FOXN3: variants seen among roughly 807,000 people sequenced by gnomAD.
FOXN3 encodes the protein forkhead box N3, also known as forkhead box protein N3.
In FOXN3, 7 loss-of-function variants were observed where a neutral mutation model predicts 38.4. That is an observed-to-expected ratio of 0.18 (90% CI 0.10 to 0.34). FOXN3 has a LOEUF of 0.34. Among genes scored for constraint, FOXN3 ranks in the 10% least tolerant of loss-of-function variants. The pLI, the probability that FOXN3 is intolerant of heterozygous loss-of-function variation, is 1.00. For missense variants in FOXN3, 456 were observed against 613.4 expected, an observed-to-expected ratio of 0.74 and a Z score of 2.71; for synonymous variants, 230 against 242.2, an observed-to-expected ratio of 0.95 and a Z score of 0.47.
At chr14:89,232,132 T>C (rs1167121030) in intron 4 of FOXN3, among the ~76,000 whole-genome samples, 2 of 152,198 alleles carry the variant, frequency 1.3e-5, no homozygotes, top group Admixed American at 6.5e-5. Context: ...CACTGATTTA[T>C]TGGACTTTTC....
chr14:89,376,974 CTG>C (rs1322631594), intron 2 of FOXN3, among the ~76,000 whole-genome samples: 3 of 130,652 alleles, frequency 2.3e-5, no homozygotes, highest in African/African-American at 8.6e-5. Context: ...TGAGCCGAGA[CTG>C]CACCATTGCA....
intron 3 of FOXN3, among the ~76,000 whole-genome samples, chr14:89,312,164 A>C (rs1566953480): frequency 6.6e-6 from 1 of 151,784 alleles, no homozygotes. Context: ...GGGCACCTGT[A>C]ATCCCAGCTA....
chr14:89,302,495 C>T (rs529857421), intron 3 of FOXN3, among the ~76,000 whole-genome samples: 3 of 152,276 alleles, frequency 2.0e-5, no homozygotes, highest in African/African-American at 7.2e-5. Flanking sequence ...GAGGACCACA[C>T]AATTGAAGCT....
At chr14:89,177,153 GGCACA>G (rs1887543919) in intron 5 of FOXN3, among the ~76,000 whole-genome samples, 1 of 151,880 alleles carries the variant, frequency 6.6e-6, no homozygotes, top group South Asian at 2.1e-4. Flanking sequence ...TGGGACTGCA[GGCACA>G]TACCATCACA....
chr14:89,190,032 T>C (rs7150140), intron 4 of FOXN3, among the ~76,000 whole-genome samples: 3,846 of 152,360 alleles, frequency 0.025, 72 homozygotes, highest in African/African-American at 0.05. Context: ...GTTGACCCCA[T>C]GTAGCCTCTT....
rs1374440157 is a variant in FOXN3 at position 89,200,428 on chromosome 14, G to A, written c.746-19622C>T. Among the ~76,000 whole-genome samples, 35 of 152,300 alleles carry A rather than the reference G, an allele frequency of 2.3e-4. No individual in the cohort carries two copies. In the South Asian group the frequency reaches 6.6e-3, roughly 29 times the overall value. ...GAGCTCAAAGAGCATCCTGGGCTGG[G>A]AGCCTGGTGCTGAGGGCTGTCTCAG... On this transcript the variant is annotated intron_variant, in intron 4 of 5. Coordinates refer to ENST00000557258, the MANE Select transcript of FOXN3 (RefSeq NM_005197.4).
At chr14:89,556,092 T>G (rs1405831119) in intron 1 of FOXN3, among the ~76,000 whole-genome samples, 3 of 152,146 alleles carry the variant, frequency 2.0e-5, no homozygotes, top group Non-Finnish European at 2.9e-5. Flanking sequence ...ATTTTGTCAT[T>G]TGGGCCAAAG....
intron 1 of FOXN3, among the ~76,000 whole-genome samples, chr14:89,559,631 G>A (rs1418972400): frequency 6.6e-6 from 1 of 152,010 alleles, no homozygotes; most frequent in East Asian, 1.9e-4. Context: ...AGCCAAGATT[G>A]CGCCACTGGA....
At chr14:89,170,633 C>G (rs1887365317) in intron 5 of FOXN3, among the ~76,000 whole-genome samples, 1 of 152,032 alleles carries the variant, frequency 6.6e-6, no homozygotes, top group Non-Finnish European at 1.5e-5. Context: ...CAACAAATTT[C>G]AAAGAAGCAA....
In FOXN3 at chr14:89,341,717, C is replaced by T. The variant is rs1158291457; in HGVS notation, c.680+8955G>A. Among the ~76,000 whole-genome samples, 5 of 152,112 alleles carry T rather than the reference C, an allele frequency of 3.3e-5. No individual in the cohort carries two copies. The East Asian group carries it at 9.6e-4, about 29-fold the overall frequency. On this transcript the variant is annotated intron_variant, in intron 3 of 5. Transcript: ENST00000557258. ...TTTAAGCTTCTACAAGACAAAGTGCCGCCTGTTGTTTCACGTTGTACACGG... is the reference window on the plus strand; with the variant it reads ...TTTAAGCTTCTACAAGACAAAGTGCTGCCTGTTGTTTCACGTTGTACACGG...
chr14:89,284,491 T>C (rs1477764362), intron 3 of FOXN3: 3 of 455,950 alleles, frequency 6.6e-6, no homozygotes, highest in Non-Finnish European at 1.3e-5. Flanking sequence ...CCTCTTCTGC[T>C]CTTCCAGCAC....
chr14:89,596,957 C>T (rs1297140783), intron 1 of FOXN3, among the ~76,000 whole-genome samples: 1 of 152,068 alleles, frequency 6.6e-6, no homozygotes, highest in Non-Finnish European at 1.5e-5. Context: ...ATTCTCCCCC[C>T]ATTTCATTAC....
At chr14:89,472,449 G>C (rs1182280199) in intron 1 of FOXN3, among the ~76,000 whole-genome samples, 2 of 151,968 alleles carry the variant, frequency 1.3e-5, no homozygotes, top group African/African-American at 4.8e-5. Context: ...GGCCGGGCGC[G>C]GTGGCTCACG....
chr14:89,249,425 T>C (rs564212419), intron 4 of FOXN3, among the ~76,000 whole-genome samples: 2 of 152,322 alleles, frequency 1.3e-5, no homozygotes, highest in South Asian at 2.1e-4. Context: ...TTTACAAGCA[T>C]CACAGCCTTT....
At chr14:89,568,270 A>G (rs973279813) in intron 1 of FOXN3, among the ~76,000 whole-genome samples, 1 of 152,134 alleles carries the variant, frequency 6.6e-6, no homozygotes, top group South Asian at 2.1e-4. Flanking sequence ...CCGTGACTGC[A>G]CTGCTGCCCA....
intron 1 of FOXN3, among the ~76,000 whole-genome samples, chr14:89,446,760 G>A (rs540376774): frequency 6.6e-6 from 1 of 152,314 alleles, no homozygotes; most frequent in Non-Finnish European, 1.5e-5. Context: ...TCAATAAACT[G>A]CAGAGTGAGT....
chr14:89,200,486 C>T (rs979051621), intron 4 of FOXN3, among the ~76,000 whole-genome samples: 2 of 152,124 alleles, frequency 1.3e-5, no homozygotes, highest in African/African-American at 2.4e-5. Flanking sequence ...TTAGGATGGC[C>T]GGGCTGGAAG....
At chr14:89,310,997 T>A (rs1236030320) in intron 3 of FOXN3, among the ~76,000 whole-genome samples, 2 of 151,178 alleles carry the variant, frequency 1.3e-5, no homozygotes, top group Non-Finnish European at 2.9e-5. Flanking sequence ...TCTCAGCTAC[T>A]CAGGAGGCTG....
chr14:89,502,161 CAAAAAATAAAAAT>C (rs1374952515), intron 1 of FOXN3, among the ~76,000 whole-genome samples: 1 of 151,920 alleles, frequency 6.6e-6, no homozygotes, highest in African/African-American at 2.4e-5. Flanking sequence ...GACTCCACCT[CAAAAAATAAAAAT>C]AAAAAATAAA....
Sources: allele counts gnomAD v4.1 joint callset (sites outside exome capture counted in the v4.1 genomes callset), GRCh38; gene constraint gnomAD v4.1.1; transcripts MANE v1.5; gene names NCBI Gene and HGNC (gene_info 2026-07-23, HGNC 2026-07-21).